CACNG2: variants seen among roughly 807,000 people sequenced by gnomAD.
CACNG2 encodes calcium voltage-gated channel auxiliary subunit gamma 2, also known as voltage-dependent calcium channel gamma-2 subunit.
Under a neutral mutation model 25.9 loss-of-function variants are expected in CACNG2, and 3 were observed. The observed-to-expected ratio is 0.12, with a 90% CI of 0.05 to 0.30. CACNG2 has a LOEUF of 0.30. CACNG2 is among the 10% of genes least tolerant of loss of function. The probability of loss-of-function intolerance (pLI) is 1.00; values close to 1 mark genes in which losing one functional copy is unlikely to be tolerated. For synonymous variants in CACNG2, 167 were observed against 173.3 expected, an observed-to-expected ratio of 0.96 and a Z score of 0.29; for missense variants, 341 against 432.5, an observed-to-expected ratio of 0.79 and a Z score of 1.88.
At chr22:36,624,840 C>T (rs201094663) in intron 1 of CACNG2, among the ~76,000 whole-genome samples, 5 of 151,814 alleles carry the variant, frequency 3.3e-5, no homozygotes, top group African/African-American at 1.2e-4. Context: ...CCATCCTGGC[C>T]AACATGGTGA....
At position 36,670,865 on chromosome 22, in the gene CACNG2, C is replaced by T. The variant is rs564563576; in HGVS notation, c.211+31501G>A. Among the ~76,000 whole-genome samples the T allele has an allele frequency of 2.0e-5, 3 of 151,662 alleles. No individual in the cohort carries two copies. The South Asian group carries it at 6.3e-4, about 32-fold the overall frequency. ...AAACTGAGGCTCAGAGAATTAAAGTCATCTGTCCAAAGAGCAAGGCAGTCA... is the reference window on the plus strand; with the variant it reads ...AAACTGAGGCTCAGAGAATTAAAGTTATCTGTCCAAAGAGCAAGGCAGTCA... On this transcript the variant is annotated intron_variant, in intron 1 of 3. Transcript: ENST00000300105.
At chr22:36,675,918 C>T (rs1937013334) in intron 1 of CACNG2, among the ~76,000 whole-genome samples, 1 of 152,200 alleles carries the variant, frequency 6.6e-6, no homozygotes, top group African/African-American at 2.4e-5. Flanking sequence ...CCATGACAGC[C>T]CTGTCTGTGC....
intron 1 of CACNG2, among the ~76,000 whole-genome samples, chr22:36,691,012 C>T (rs574524699): frequency 1.4e-5 from 2 of 138,266 alleles, no homozygotes; most frequent in South Asian, 5.0e-4. Flanking sequence ...TAGTATAAAC[C>T]TCAAGTGGTC....
chr22:36,656,169 G>A (rs1471381202), intron 1 of CACNG2, among the ~76,000 whole-genome samples: 1 of 152,164 alleles, frequency 6.6e-6, no homozygotes, highest in South Asian at 2.1e-4. Context: ...CATTCAGATA[G>A]TATAGGATGG....
chr22:36,673,755 C>G (rs1464184663), intron 1 of CACNG2, among the ~76,000 whole-genome samples: 1 of 152,130 alleles, frequency 6.6e-6, no homozygotes, highest in African/African-American at 2.4e-5. Flanking sequence ...ATATGAGGCC[C>G]TCACGTGGAC....
intron 1 of CACNG2, among the ~76,000 whole-genome samples, chr22:36,631,955 C>T (rs2145958875): frequency 6.6e-6 from 1 of 152,132 alleles, no homozygotes; most frequent in African/African-American, 2.4e-5. Flanking sequence ...CAATGGGAAT[C>T]AGAATCATTT....
At chr22:36,581,473 C>G (rs1427275108) in intron 2 of CACNG2, among the ~76,000 whole-genome samples, 2 of 152,212 alleles carry the variant, frequency 1.3e-5, no homozygotes, top group Non-Finnish European at 2.9e-5. Context: ...CGCGGTGAGC[C>G]CCACCATCCT....
chr22:36,567,319 G>A (rs147776742), intron 2 of CACNG2, among the ~76,000 whole-genome samples: 322 of 152,270 alleles, frequency 2.1e-3, no homozygotes, highest in Non-Finnish European at 3.3e-3. Context: ...CATGGGTCGT[G>A]AGACAAGGAC....
At chr22:36,687,092 G>T (rs1397074733) in intron 1 of CACNG2, among the ~76,000 whole-genome samples, 1 of 152,150 alleles carries the variant, frequency 6.6e-6, no homozygotes, top group Non-Finnish European at 1.5e-5. Context: ...CCTCCACCTT[G>T]ATCCATGGGA....
intron 1 of CACNG2, among the ~76,000 whole-genome samples, chr22:36,687,777 A>G (rs537573085): frequency 1.3e-5 from 2 of 152,262 alleles, no homozygotes; most frequent in African/African-American, 4.8e-5. Context: ...GAAGCAGGAG[A>G]ATCACGAGAA....
chr22:36,590,270 C>T (rs1047458796), intron 1 of CACNG2, among the ~76,000 whole-genome samples: 6 of 152,160 alleles, frequency 3.9e-5, no homozygotes, highest in South Asian at 2.1e-4. Context: ...ACAGAGAGGC[C>T]GTGCGAGATA....
At chr22:36,679,197 C>CCTTCCTTTCTTTCTTTCTTTCTTT (rs1491420417) in intron 1 of CACNG2, among the ~76,000 whole-genome samples, 58 of 54,806 alleles carry the variant, frequency 1.1e-3, no homozygotes, top group African/African-American at 3.3e-3. Flanking sequence ...TTCCTTCCTT[C>CCTTCCTTTCTTTCTTTCTTTCTTT]CTTTCTTTCT....
chr22:36,618,222 A>G (rs566245204), intron 1 of CACNG2, among the ~76,000 whole-genome samples: 2 of 152,322 alleles, frequency 1.3e-5, no homozygotes, highest in African/African-American at 4.8e-5. Context: ...ACTTGCCACC[A>G]TATGGCTGCG....
At chr22:36,566,693 C>A (rs1033136179) in intron 2 of CACNG2, among the ~76,000 whole-genome samples, 200 bp from the exon 3 acceptor site, 1 of 152,206 alleles carries the variant, frequency 6.6e-6, no homozygotes, top group Non-Finnish European at 1.5e-5. Flanking sequence ...GAGCTCCCCA[C>A]TGCCTCCAGG....
chr22:36,566,491 C>T lies in CACNG2; in HGVS notation c.298G>A (p.Ala100Thr). Residue 100 changes from alanine (A) to threonine (T), a missense_variant and splice_region_variant, in exon 3 of 4, where the codon GCC becomes ACC. By Grantham distance (58) the Ala-to-Thr change is moderately conservative. Coordinates refer to ENST00000300105, the MANE Select transcript of CACNG2 (RefSeq NM_006078.5). ...GGGAAAATGCTGGAGGCCCTCACGG[C>T]CCCTGTGGAACACAGAGGGTCAGGG... ...EADTAEYFLR[A>T]VRASSIFPIL... The T allele has an allele frequency of 1.9e-6, 3 of 1,614,062 alleles. No individual in the cohort carries two copies. Among genetic ancestry groups the T allele is most frequent in the East Asian group, 2.2e-5 (1 of 44,884 alleles).
chr22:36,650,812 G>A (rs1385809082), intron 1 of CACNG2, among the ~76,000 whole-genome samples: 4 of 152,126 alleles, frequency 2.6e-5, no homozygotes, highest in Non-Finnish European at 5.9e-5. Flanking sequence ...GAGCCACCGC[G>A]CCTGGCCCTC....
intron 1 of CACNG2, among the ~76,000 whole-genome samples, chr22:36,679,411 G>C (rs960656287): frequency 1.3e-5 from 2 of 151,988 alleles, no homozygotes; most frequent in Admixed American, 6.6e-5. Context: ...TATAGGAGAT[G>C]GCTCTCTGAG....
chr22:36,621,345 T>C (rs1482215412), intron 1 of CACNG2, among the ~76,000 whole-genome samples: 1 of 152,118 alleles, frequency 6.6e-6, no homozygotes, highest in East Asian at 1.9e-4. Flanking sequence ...CTGTCTCTAC[T>C]AAAAATACAA....
intron 1 of CACNG2, among the ~76,000 whole-genome samples, chr22:36,690,258 G>A (rs771891093): frequency 2.6e-5 from 4 of 152,200 alleles, no homozygotes; most frequent in Non-Finnish European, 5.9e-5. Context: ...GGGACTCAGG[G>A]GGAAGTGCGA....
Sources: allele counts gnomAD v4.1 joint callset (sites outside exome capture counted in the v4.1 genomes callset), GRCh38; gene constraint gnomAD v4.1.1; transcripts MANE v1.5; gene names NCBI Gene and HGNC (gene_info 2026-07-23, HGNC 2026-07-21).